The following SREBF2 variants were observed in gnomAD, a reference collection of about 807,000 sequenced individuals.
SREBF2 encodes the protein sterol regulatory element binding transcription factor 2.
Under a neutral mutation model 113.1 loss-of-function variants are expected in SREBF2, and 55 were observed. That is an observed-to-expected ratio of 0.49 (90% CI 0.39 to 0.61). The LOEUF (loss-of-function observed/expected upper bound fraction) is 0.61. Among genes scored for constraint, SREBF2 ranks in the 20% least tolerant of loss-of-function variants. SREBF2 has a pLI of 0.00. For synonymous variants in SREBF2, 593 were observed against 605.7 expected, an observed-to-expected ratio of 0.98 and a Z score of 0.31; for missense variants, 1,349 against 1,487.4, an observed-to-expected ratio of 0.91 and a Z score of 1.53.
chr22:41,871,503 A>T (rs763768054), intron 4 of SREBF2, among the ~76,000 whole-genome samples: 5 of 152,230 alleles, frequency 3.3e-5, no homozygotes, highest in Non-Finnish European at 7.3e-5. Context: ...TTTATTCATA[A>T]AATCCAAGAA....
intron 1 of SREBF2, among the ~76,000 whole-genome samples, chr22:41,860,302 G>T (rs76785355): frequency 5.3e-3 from 809 of 151,530 alleles, no homozygotes; most frequent in Non-Finnish European, 7.6e-3. Context: ...AGAGCAGGCG[G>T]TTTACAAAGG....
At chr22:41,865,769 C>G (rs1473819446) in intron 1 of SREBF2, among the ~76,000 whole-genome samples, 1 of 152,166 alleles carries the variant, frequency 6.6e-6, no homozygotes, top group Non-Finnish European at 1.5e-5. Context: ...TGTGTCCTGG[C>G]CTGGCAACAT....
chr22:41,883,209 G>A (rs1306799639), intron 10 of SREBF2, among the ~76,000 whole-genome samples: 1 of 152,156 alleles, frequency 6.6e-6, no homozygotes, highest in Non-Finnish European at 1.5e-5. Flanking sequence ...AGTTGAGGAG[G>A]GGAGATTGTT....
chr22:41,860,168 A>G (rs2077013990), intron 1 of SREBF2, among the ~76,000 whole-genome samples: 1 of 152,000 alleles, frequency 6.6e-6, no homozygotes, highest in African/African-American at 2.4e-5. Flanking sequence ...GAGAAATAAC[A>G]AAGTGGGGGA....
chr22:41,849,643 AAG>A lies in SREBF2; in HGVS notation c.88+16293_88+16294del, dbSNP rs900394517. On this transcript the variant is annotated intron_variant, in intron 1 of 18. Transcript: ENST00000361204. ...TCTTTTATTAAAATGTATACTTAAA[AAG>A]AGAGAGATTGTTCTAGAAAACAGCA... Among the ~76,000 whole-genome samples the A allele has an allele frequency of 2.0e-4, 30 of 152,350 alleles. No homozygotes were observed. In the East Asian group the frequency reaches 3.1e-3, roughly 16 times the overall value.
chr22:41,851,143 C>T (rs1602278451), intron 1 of SREBF2, among the ~76,000 whole-genome samples: 1 of 152,102 alleles, frequency 6.6e-6, no homozygotes, highest in Non-Finnish European at 1.5e-5. Context: ...TCATGGAGGA[C>T]ATGAATGAAT....
Position 41,873,983 on chromosome 22 carries a change from C to A in SREBF2, c.1053C>A (p.Ile351=), listed in dbSNP as rs757692918. 1 of 1,614,088 alleles carries A rather than the reference C, an allele frequency of 6.2e-7. No homozygotes were observed. The highest frequency in any genetic ancestry group is 2.2e-5 in the East Asian group (1 of 44,882). ...GCTCCTCCATCAATGACAAAATCAT[C>A]GAATTGAAAGACCTGGTCATGGGGA... ...RYRSSINDKI[I]ELKDLVMGTD... The change falls in exon 5 of 19, where the codon ATC becomes ATA. Residue 351 remains isoleucine, a synonymous_variant. Transcript: ENST00000361204.
At chr22:41,892,215 T>G (rs921438248) in intron 11 of SREBF2, among the ~76,000 whole-genome samples, 12 of 152,288 alleles carry the variant, frequency 7.9e-5, no homozygotes, top group African/African-American at 2.6e-4. Flanking sequence ...GCCCCTTCAC[T>G]CCAGTGCCAT....
intron 7 of SREBF2, among the ~76,000 whole-genome samples, chr22:41,876,666 G>A (rs2077200318): frequency 1.3e-5 from 2 of 152,010 alleles, no homozygotes; most frequent in South Asian, 4.2e-4. Context: ...CACTAAATAC[G>A]GTCTTTGATC....
chr22:41,842,990 C>CAA (rs1030056245), intron 1 of SREBF2, among the ~76,000 whole-genome samples: 4 of 117,458 alleles, frequency 3.4e-5, no homozygotes, highest in Admixed American at 9.0e-5. Flanking sequence ...ACGTCCGTCT[C>CAA]AAAAAAAAAA....
At chr22:41,844,049 C>CACACACACAT (rs1337960656) in intron 1 of SREBF2, among the ~76,000 whole-genome samples, 1 of 142,704 alleles carries the variant, frequency 7.0e-6, no homozygotes, top group Non-Finnish European at 1.5e-5. Context: ...CACACACACA[C>CACACACACAT]ACACACACAC....
chr22:41,875,682 C>T lies in SREBF2; in HGVS notation c.1344C>T (p.Ser448=), dbSNP rs772660026. The change falls in exon 7 of 19, where the codon TCC becomes TCT. Residue 448 remains serine (S), a synonymous_variant. Coordinates refer to ENST00000361204, the MANE Select transcript of SREBF2 (RefSeq NM_004599.4). The part of the protein sequence containing the change: ...SGSQAGFSPY[S]IDSEPGSPLL... ...CCCAGGCTGGCTTCTCTCCCTACTC[C>T]ATTGACTCTGAGCCAGGAAGCCCTC... 9 of 1,614,204 alleles carry T rather than the reference C, an allele frequency of 5.6e-6. No homozygotes were observed. The highest frequency in any genetic ancestry group is 1.1e-5 in the South Asian group (1 of 91,084).
intron 7 of SREBF2, 112 bp from the exon 8 acceptor site, chr22:41,877,117 A>G: frequency 8.9e-7 from 1 of 1,129,722 alleles, no homozygotes; most frequent in Non-Finnish European, 1.3e-6. Flanking sequence ...TCCTGAGTTA[A>G]TCGACTTGAA....
intron 10 of SREBF2, among the ~76,000 whole-genome samples, 168 bp from the exon 11 acceptor site, chr22:41,884,674 G>A (rs918839994): frequency 6.6e-6 from 1 of 152,174 alleles, no homozygotes; most frequent in Non-Finnish European, 1.5e-5. Context: ...CACACAGCCA[G>A]TATATCACAG....
intron 11 of SREBF2, among the ~76,000 whole-genome samples, chr22:41,887,379 C>G (rs1055187530): frequency 1.3e-5 from 2 of 152,182 alleles, no homozygotes; most frequent in East Asian, 3.8e-4. Context: ...TTTGCAATCA[C>G]TAACCTGCCC....
Position 41,905,452 on chromosome 22 carries a change from C to T in SREBF2, c.3218C>T (p.Ala1073Val), listed in dbSNP as rs2077499319. 6.4e-7 allele frequency: 1 copy of T among 1,574,364 alleles called. No homozygotes were observed. The highest frequency in any genetic ancestry group is 2.3e-5 in the East Asian group (1 of 43,388). ...TQSTKHGEVD[A>V]WPGQRERATA... is the part of the protein sequence containing the mutation. ...CTCCTTCCCACAGGAGAGGTGGATG[C>T]CTGGCCCGGCCAGCGAGAGCGGGCC... is the stretch of plus-strand genomic sequence containing the variant. Residue 1073 changes from alanine (A) to valine (V), a missense_variant, in exon 19 of 19, where the codon GCC (alanine) becomes GTC (valine). This residue lies in a region of SREBF2 where 650 missense variants were observed against 644.1 expected (regional missense o/e 1.01). Coordinates refer to ENST00000361204, the MANE Select transcript of SREBF2 (RefSeq NM_004599.4).
intron 15 of SREBF2, 84 bp downstream of exon 15, chr22:41,898,865 G>A (rs2077439405): frequency 6.4e-7 from 1 of 1,567,932 alleles, no homozygotes; most frequent in Admixed American, 1.8e-5. Flanking sequence ...GACTGGGTGG[G>A]CGTGTTGGGG....
At chr22:41,878,811 A>G (rs1322094204) in intron 9 of SREBF2, 2 of 1,168,260 alleles carry the variant, frequency 1.7e-6, no homozygotes, top group Non-Finnish European at 2.3e-6. Flanking sequence ...GCCATTAGTG[A>G]GAATCTGATT....
At chr22:41,837,567 A>AG (rs1451686796) in intron 1 of SREBF2, among the ~76,000 whole-genome samples, 1 of 146,028 alleles carries the variant, frequency 6.8e-6, no homozygotes, top group East Asian at 2.0e-4. Flanking sequence ...AAAAAAAAAA[A>AG]AAAAAAAAAT....
Sources: allele counts gnomAD v4.1 joint callset (sites outside exome capture counted in the v4.1 genomes callset), GRCh38; gene constraint gnomAD v4.1.1; regional missense constraint gnomAD v4.1.1; transcripts MANE v1.5; gene names NCBI Gene and HGNC (gene_info 2026-07-23, HGNC 2026-07-21).